The following LRMDA variants were observed in gnomAD, a reference collection of about 807,000 sequenced individuals.
The protein encoded by LRMDA is leucine rich melanocyte differentiation associated.
LRMDA carries 18 observed loss-of-function variants against 29.8 expected under a neutral mutation model. The observed-to-expected ratio is 0.60, with a 90% CI of 0.42 to 0.90. The LOEUF (loss-of-function observed/expected upper bound fraction) is 0.90. Among genes scored for constraint, LRMDA ranks in the 40% least tolerant of loss-of-function variants. The pLI is 0.00. For missense variants in LRMDA, 273 were observed against 273.9 expected (o/e 1.00, Z 0.02); for synonymous variants, 125 against 109.4 (o/e 1.14, Z -0.89).
chr10:75,977,297 G>A (rs1449941670), intron 2 of LRMDA, among the ~76,000 whole-genome samples: 1 of 152,124 alleles, frequency 6.6e-6, no homozygotes, highest in African/African-American at 2.4e-5. Context: ...TTTACAATAT[G>A]CTTTTCGTAA....
At chr10:75,493,353 G>A (rs1845009259) in intron 2 of LRMDA, among the ~76,000 whole-genome samples, 1 of 147,924 alleles carries the variant, frequency 6.8e-6, no homozygotes, top group African/African-American at 2.6e-5. Flanking sequence ...GATTGGGTGT[G>A]TGTGTGTGTG....
chr10:75,798,889 A>G (rs1843699122), intron 2 of LRMDA, among the ~76,000 whole-genome samples: 1 of 152,174 alleles, frequency 6.6e-6, no homozygotes, highest in South Asian at 2.1e-4. Flanking sequence ...ATGGTTGTCA[A>G]TTAAAAAAAC....
intron 2 of LRMDA, among the ~76,000 whole-genome samples, chr10:75,914,688 T>C (rs995506304): frequency 6.6e-6 from 1 of 152,234 alleles, no homozygotes; most frequent in African/African-American, 2.4e-5. Context: ...CTAACCTCTC[T>C]CTTATCCTTC....
intron 2 of LRMDA, among the ~76,000 whole-genome samples, chr10:76,022,592 C>T (rs945270522): frequency 3.9e-5 from 6 of 151,980 alleles, no homozygotes; most frequent in Non-Finnish European, 7.4e-5. Flanking sequence ...CAAGGATGTG[C>T]AGATCTGGCT....
At chr10:75,746,173 A>T (rs567927065) in intron 2 of LRMDA, among the ~76,000 whole-genome samples, 2 of 152,272 alleles carry the variant, frequency 1.3e-5, no homozygotes, top group East Asian at 3.9e-4. Context: ...CATCATACCT[A>T]ATGCCATGCC....
chr10:76,314,640 T>G (rs2132383418), intron 5 of LRMDA, among the ~76,000 whole-genome samples: 1 of 152,284 alleles, frequency 6.6e-6, no homozygotes, highest in African/African-American at 2.4e-5. Context: ...TTTTGTAAAA[T>G]AATTAAGAAG....
chr10:76,108,898 A>C (rs140420833), intron 5 of LRMDA, among the ~76,000 whole-genome samples: 4 of 152,340 alleles, frequency 2.6e-5, no homozygotes, highest in Non-Finnish European at 5.9e-5. Context: ...ATGCAAAGAT[A>C]CTTTTTCTGT....
intron 6 of LRMDA, among the ~76,000 whole-genome samples, chr10:76,504,750 C>G (rs1336919981): frequency 1.3e-5 from 2 of 151,978 alleles, no homozygotes; most frequent in East Asian, 3.9e-4. Flanking sequence ...GTCTTTTTAT[C>G]CAGTTGGCCA....
At chr10:75,623,348 T>TG (rs1368586773) in intron 2 of LRMDA, among the ~76,000 whole-genome samples, 2 of 152,162 alleles carry the variant, frequency 1.3e-5, no homozygotes, top group Non-Finnish European at 2.9e-5. Flanking sequence ...TAAAGAAGAA[T>TG]GGATGGGCTA....
intron 2 of LRMDA, among the ~76,000 whole-genome samples, chr10:75,531,988 G>A (rs1589171301): frequency 6.7e-6 from 1 of 149,158 alleles, no homozygotes; most frequent in East Asian, 2.0e-4. Flanking sequence ...TGAGGCTGTG[G>A]TAAGCTGATT....
At chr10:76,116,912 C>T (rs959188736) in intron 5 of LRMDA, among the ~76,000 whole-genome samples, 1 of 152,106 alleles carries the variant, frequency 6.6e-6, no homozygotes, top group Non-Finnish European at 1.5e-5. Flanking sequence ...TTCATCTCAG[C>T]CATTTTCCAG....
intron 6 of LRMDA, among the ~76,000 whole-genome samples, chr10:76,327,163 C>T (rs1224092274): frequency 6.7e-6 from 1 of 149,134 alleles, no homozygotes; most frequent in Non-Finnish European, 1.5e-5. Flanking sequence ...ACAATCTTAG[C>T]TCACTGCAAC....
At chr10:76,220,154 A>G in intron 5 of LRMDA, among the ~76,000 whole-genome samples, 1 of 152,210 alleles carries the variant, frequency 6.6e-6, no homozygotes, top group South Asian at 2.1e-4. Context: ...AAATGCCCAC[A>G]AGAGAAAGCA....
chr10:76,393,619 C>T (rs1841749037), intron 6 of LRMDA, among the ~76,000 whole-genome samples: 1 of 152,106 alleles, frequency 6.6e-6, no homozygotes, highest in African/African-American at 2.4e-5. Flanking sequence ...GTTATCTTTT[C>T]ACTCTGTTGA....
intron 2 of LRMDA, among the ~76,000 whole-genome samples, chr10:75,750,605 CG>C: frequency 6.8e-6 from 1 of 147,818 alleles, no homozygotes; most frequent in East Asian, 2.1e-4. Flanking sequence ...GACGGGATGG[CG>C]GCCGGGCAGA....
At position 76,029,875 on chromosome 10, in the gene LRMDA, G is replaced by A. The variant is rs189215569; in HGVS notation, c.132-6133G>A. On this transcript the variant is annotated intron_variant, in intron 2 of 6. Coordinates refer to ENST00000611255, the MANE Select transcript of LRMDA (RefSeq NM_001305581.2). ...CTTTGGGGTTGACTTTGACCCCAAA[G>A]TCATGTAACCACTACTTCTTTTTTG... Among the ~76,000 whole-genome samples, 72 of 152,268 alleles carry A rather than the reference G, an allele frequency of 4.7e-4. 1 individual carries two copies. The highest frequency in any genetic ancestry group is 4.2e-3 in the Admixed American group (64 of 15,292).
chr10:76,025,780 C>A (rs7087207), intron 2 of LRMDA, among the ~76,000 whole-genome samples: 2 of 152,142 alleles, frequency 1.3e-5, no homozygotes, highest in African/African-American at 4.8e-5. Flanking sequence ...TTAGCTCAAG[C>A]CCATCTCCTT....
intron 2 of LRMDA, among the ~76,000 whole-genome samples, chr10:75,660,405 C>T (rs774104537): frequency 2.6e-5 from 4 of 152,150 alleles, no homozygotes; most frequent in South Asian, 2.1e-4. Flanking sequence ...TTGTGAGGGG[C>T]GCCTGCCGGA....
chr10:75,483,486 G>A (rs1426998457), intron 2 of LRMDA, among the ~76,000 whole-genome samples: 1 of 152,126 alleles, frequency 6.6e-6, no homozygotes, highest in Admixed American at 6.5e-5. Flanking sequence ...TGGAGTCAAA[G>A]GACACATATT....
Sources: gnomAD v4.1 joint callset for allele counts (sites outside exome capture counted in the v4.1 genomes callset) on GRCh38, gnomAD v4.1.1 for gene constraint, MANE v1.5 for transcripts, NCBI Gene and HGNC (gene_info 2026-07-23, HGNC 2026-07-21) for gene names.